SMC2: variants seen among roughly 807,000 people sequenced by gnomAD.
SMC2 encodes the protein structural maintenance of chromosomes protein 2.
In SMC2, 41 loss-of-function variants were observed where a neutral mutation model predicts 142.6. The observed-to-expected ratio is 0.29, with a 90% CI of 0.22 to 0.37. SMC2 has a LOEUF of 0.37. Ranked by LOEUF, SMC2 falls within the 10% of genes least tolerant of loss-of-function variation. SMC2 has a pLI of 1.00. For missense variants in SMC2, 1,265 were observed against 1,373.7 expected (o/e 0.92, Z 1.25); for synonymous variants, 463 against 457.5 (o/e 1.01, Z -0.15).
chr9:104,130,588 A>C (rs757088777), intron 21 of SMC2, among the ~76,000 whole-genome samples: 3 of 136,110 alleles, frequency 2.2e-5, no homozygotes, highest in African/African-American at 1.1e-4. Flanking sequence ...TTTTACCATA[A>C]TTTTTTTTAA....
Position 104,098,552 on chromosome 9 carries a change from A to G in SMC2, c.425A>G (p.His142Arg). The G allele has an allele frequency of 6.3e-7, 1 of 1,589,558 alleles. No homozygotes were observed. The highest frequency in any genetic ancestry group is 1.4e-5 in the African/African-American group (1 of 73,378). The change falls in exon 4 of 25, where the codon CAC becomes CGC. Residue 142 changes from histidine (H) to arginine (R), a missense_variant. His to Arg is a conservative substitution (Grantham distance 29). This residue lies in a region of SMC2 where 168 missense variants were observed against 184.8 expected (regional missense o/e 0.91). Transcript: ENST00000374793. ...CSVGLNVNNP[H>R]FLIMQGRITK... ...GTTGGCCTTAATGTTAACAACCCTC[A>G]CTTTCTCATCATGCAGGTATTTCGT...
chr9:104,136,309 TTA>T lies in SMC2; in HGVS notation c.3270-1707_3270-1706del, dbSNP rs573262382. Among the ~76,000 whole-genome samples the T allele has an allele frequency of 2.9e-3, 437 of 152,154 alleles. 2 individuals are homozygous for T. The highest frequency in any genetic ancestry group is 1.0e-2 in the African/African-American group (415 of 41,554). On this transcript the variant is annotated intron_variant, in intron 23 of 24. Transcript: ENST00000374793. ...TTCCTTATGACCCCCTTTATCATTT[TTA>T]TGAGTAGAAATATATTTTATTTATA...
upstream of SMC2, among the ~76,000 whole-genome samples, chr9:104,093,993 C>A (rs1169821342): frequency 6.6e-6 from 1 of 152,198 alleles, no homozygotes; most frequent in Non-Finnish European, 1.5e-5. Flanking sequence ...AAGGCGGAGT[C>A]TGCAGTGTGC....
At chr9:104,089,610 G>A (rs540503799), upstream of SMC2, among the ~76,000 whole-genome samples, 7 of 152,130 alleles carry the variant, frequency 4.6e-5, no homozygotes, top group South Asian at 1.0e-3. Flanking sequence ...AGAAAGAAAC[G>A]AATATAAAAC....
Position 104,102,018 on chromosome 9 carries a change from G to A in SMC2, c.695G>A (p.Arg232His), listed in dbSNP as rs760941119. The A allele has an allele frequency of 1.4e-5, 23 of 1,612,238 alleles. No homozygotes were observed. In the South Asian group the frequency reaches 1.5e-4, roughly 11 times the overall value. The change falls in exon 8 of 25, where the codon CGT (arginine) becomes CAT (histidine). Residue 232 changes from arginine to histidine, a missense_variant. By Grantham distance (29) the Arg-to-His change is conservative (BLOSUM62 0). Around this residue, in one of 4 missense-constraint regions of SMC2, gnomAD observed 898 missense variants for 904.2 expected, o/e 0.99. Coordinates refer to ENST00000374793, the MANE Select transcript of SMC2 (RefSeq NM_006444.3). ...ATGAGAGAAATAGAACATTTGAGTC[G>A]TTTATATATTGCTTATCAGTTTTTG... ...KVMREIEHLS[R>H]LYIAYQFLLA...
intron 9 of SMC2, among the ~76,000 whole-genome samples, chr9:104,110,096 T>C (rs1488968983): frequency 6.6e-6 from 1 of 152,194 alleles, no homozygotes; most frequent in Admixed American, 6.6e-5. Context: ...CAGAGCTCAG[T>C]AGAAAGTGAT....
chr9:104,126,705 A>G lies in SMC2; in HGVS notation c.2516A>G (p.Gln839Arg). 2 of 1,612,620 alleles carry G rather than the reference A, an allele frequency of 1.2e-6. No individual in the cohort carries two copies. The highest frequency in any genetic ancestry group is 1.7e-6 in the Non-Finnish European group (2 of 1,179,244). ...AGAGAGCATACATCTTACAAACAAC[A>G]GCTTGAAGCTGTAAATGAAGCTATC... is the stretch of plus-strand genomic sequence containing the variant. The part of the protein sequence containing the change: ...LKREHTSYKQ[Q>R]LEAVNEAIKS... Residue 839 changes from glutamine to arginine, a missense_variant, in exon 19 of 25, where the codon CAG becomes CGG. Transcript: ENST00000374793.
At position 104,094,451 on chromosome 9, in the gene SMC2, G is replaced by A. The variant is rs1830212586; in HGVS notation, c.-88G>A. The A allele has an allele frequency of 2.5e-6, 1 of 398,218 alleles. No homozygotes were observed. The highest frequency in any genetic ancestry group is 4.4e-5 in the Admixed American group (1 of 22,698). 24.7% of individuals were successfully genotyped at this position (398,218 alleles called of 1,614,324 possible). A position where few individuals can be genotyped will look rare whatever the true frequency, so the allele number is the denominator to read the frequency against. On this transcript the variant is annotated 5_prime_UTR_variant, in exon 1 of 25. Coordinates refer to ENST00000374793, the MANE Select transcript of SMC2 (RefSeq NM_006444.3). ...TGTGACCCGGAGGAGCTTTTGGGGT[G>A]CGTCAAGCCCCTGGCCTGAGGCAGC...
intron 3 of SMC2, among the ~76,000 whole-genome samples, chr9:104,097,801 G>A (rs1370772092): frequency 1.3e-5 from 2 of 152,196 alleles, no homozygotes. Flanking sequence ...AATAGTTGAT[G>A]TATATTGGGT....
Position 104,116,302 on chromosome 9 carries a change from A to G in SMC2, c.1774A>G (p.Arg592Gly), listed in dbSNP as rs1453912808. 1.2e-6 allele frequency: 2 copies of G among 1,606,058 alleles called. No homozygotes were observed. Among genetic ancestry groups the G allele is most frequent in the Non-Finnish European group, 8.5e-7 (1 of 1,177,456 alleles). The part of the protein sequence containing the change: ...SARCIAPETL[R>G]VAQNLVGPDN... ...CAGATGTATTGCACCAGAAACTCTGAGAGTTGCTCAGAATCTTGTAAGTCT... is the reference window on the plus strand; with the variant it reads ...CAGATGTATTGCACCAGAAACTCTGGGAGTTGCTCAGAATCTTGTAAGTCT... Residue 592 changes from arginine to glycine, a missense_variant, in exon 14 of 25, where the codon AGA becomes GGA. By Grantham distance (125) the Arg-to-Gly change is moderately radical. Coordinates refer to ENST00000374793, the MANE Select transcript of SMC2 (RefSeq NM_006444.3).
At position 104,100,977 on chromosome 9, in the gene SMC2, G is replaced by A. The variant is rs369323954; in HGVS notation, c.636+544G>A. Among the ~76,000 whole-genome samples the A allele has an allele frequency of 8.6e-5, 13 of 152,016 alleles. 1 individual carries two copies. Among genetic ancestry groups the A allele is most frequent in the Admixed American group, 7.2e-4 (11 of 15,270 alleles). On this transcript the variant is annotated intron_variant, in intron 7 of 24. Coordinates refer to ENST00000374793, the MANE Select transcript of SMC2 (RefSeq NM_006444.3). ...TTTTCTTGAGACTAGTCTCACTGTC[G>A]CCCAGGCTGGAGTGCAGTGGTGTCA...
At chr9:104,133,974 GTGT>G (rs1195624086) in intron 22 of SMC2, among the ~76,000 whole-genome samples, 2 of 152,050 alleles carry the variant, frequency 1.3e-5, no homozygotes, top group East Asian at 3.9e-4. Context: ...AAAAATACTT[GTGT>G]TTTTTTGTTT....
chr9:104,095,932 C>G (rs1002143384), intron 2 of SMC2, among the ~76,000 whole-genome samples: 3 of 152,164 alleles, frequency 2.0e-5, no homozygotes, highest in African/African-American at 7.2e-5. Flanking sequence ...GGAAACAATT[C>G]AATTCAGGGT....
intron 23 of SMC2, chr9:104,135,757 G>A (rs1030196787): frequency 2.0e-6 from 1 of 490,124 alleles, no homozygotes; most frequent in Non-Finnish European, 4.0e-6. Context: ...TAAACACTAT[G>A]TAAGCCAGAA....
At chr9:104,119,846 A>T (rs954952293) in intron 15 of SMC2, among the ~76,000 whole-genome samples, 181 bp from the exon 16 acceptor site, 3 of 152,208 alleles carry the variant, frequency 2.0e-5, no homozygotes, top group Non-Finnish European at 4.4e-5. Flanking sequence ...AACCTCTTGG[A>T]TCTGTTATGA....
chr9:104,128,231 T>A, intron 20 of SMC2, among the ~76,000 whole-genome samples: 1 of 152,254 alleles, frequency 6.6e-6, no homozygotes, highest in South Asian at 2.1e-4. Flanking sequence ...TACAAAACAA[T>A]CTCCCTCTCT....
chr9:104,102,055 T>C lies in SMC2; in HGVS notation c.732T>C (p.Asp244=), dbSNP rs1831197466. Reference sequence around the variant, plus strand: ...CTTATCAGTTTTTGCTGGCTGAAGATACCAAAGTACGCTCAGCTGAGGAAT... The same window carrying C: ...CTTATCAGTTTTTGCTGGCTGAAGACACCAAAGTACGCTCAGCTGAGGAAT... ...YIAYQFLLAE[D]TKVRSAEELK... is the part of the protein sequence containing the mutation. Residue 244 remains aspartate (D), a synonymous_variant, in exon 8 of 25, where the codon GAT becomes GAC. Coordinates refer to ENST00000374793, the MANE Select transcript of SMC2 (RefSeq NM_006444.3). 1.2e-6 allele frequency: 2 copies of C among 1,612,406 alleles called. No homozygotes were observed. Among genetic ancestry groups the C allele is most frequent in the Non-Finnish European group, 1.7e-6 (2 of 1,178,738 alleles).
intron 14 of SMC2, 40 bp from the exon 15 acceptor site, chr9:104,118,131 T>C: frequency 6.7e-7 from 1 of 1,488,690 alleles, no homozygotes; most frequent in South Asian, 1.2e-5. Context: ...AAAGGAAAAG[T>C]AGTAGTATGT....
intron 9 of SMC2, among the ~76,000 whole-genome samples, chr9:104,109,905 G>C (rs1160951474): frequency 6.6e-6 from 1 of 152,138 alleles, no homozygotes; most frequent in Non-Finnish European, 1.5e-5. Context: ...ATTCATAGTT[G>C]AGAGAAATGT....
Sources: gnomAD v4.1 joint callset for allele counts (sites outside exome capture counted in the v4.1 genomes callset) on GRCh38, gnomAD v4.1.1 for gene constraint, gnomAD v4.1.1 regional missense constraint, MANE v1.5 for transcripts, NCBI Gene and HGNC (gene_info 2026-07-23, HGNC 2026-07-21) for gene names.